The following EPHA5 variants were observed in gnomAD, a reference collection of about 807,000 sequenced individuals.
EPHA5 encodes the protein EPH receptor A5.
Under a neutral mutation model 105.0 loss-of-function variants are expected in EPHA5, and 60 were observed. The observed-to-expected ratio is 0.57, with a 90% confidence interval of 0.46 to 0.71. The LOEUF is 0.71. Ranked by LOEUF, EPHA5 falls within the 30% of genes least tolerant of loss-of-function variation. The pLI is 0.00. For synonymous variants in EPHA5, 513 were observed against 449.1 expected (o/e 1.14, Z -1.80); for missense variants, 1,218 against 1,274.7 (o/e 0.96, Z 0.68).
chr4:65,350,371 A>T lies in EPHA5; in HGVS notation c.2445+1018T>A, dbSNP rs543748452. On this transcript the variant is annotated intron_variant, in intron 13 of 16. Transcript: ENST00000613740. Reference sequence around the variant, plus strand: ...TGAATCACAAAGCAAAAATGTTTTAAAAAAAAAACCCTTATAATCTGAAAA... The same window carrying T: ...TGAATCACAAAGCAAAAATGTTTTATAAAAAAAACCCTTATAATCTGAAAA... 3.7e-3 allele frequency among the ~76,000 whole-genome samples: 412 copies of T among 111,348 alleles called. 4 individuals are homozygous for T. Among genetic ancestry groups the T allele is most frequent in the Admixed American group, 0.023 (236 of 10,436 alleles). The allele number at this position is 111,348 out of a possible 152,430, so 73.0% of individuals were successfully genotyped here. A position where few individuals can be genotyped will look rare whatever the true frequency, so the allele number is the denominator to read the frequency against.
At chr4:65,577,802 G>A (rs905081007) in intron 3 of EPHA5, among the ~76,000 whole-genome samples, 1 of 152,014 alleles carries the variant, frequency 6.6e-6, no homozygotes, top group Non-Finnish European at 1.5e-5. Flanking sequence ...AGAAAAAAAG[G>A]TCAGAGGGAA....
chr4:65,493,051 A>G (rs943131600), intron 4 of EPHA5, among the ~76,000 whole-genome samples: 7 of 151,142 alleles, frequency 4.6e-5, no homozygotes, highest in Admixed American at 1.3e-4. Context: ...CTCTAAATCT[A>G]TAAGAATGCA....
intron 5 of EPHA5, among the ~76,000 whole-genome samples, chr4:65,469,784 C>T (rs1414308293): frequency 1.3e-5 from 2 of 152,160 alleles, no homozygotes; most frequent in African/African-American, 2.4e-5. Flanking sequence ...TCATCATTAT[C>T]AGCATAAAAC....
At chr4:65,515,407 T>G (rs1463556770) in intron 3 of EPHA5, among the ~76,000 whole-genome samples, 2 of 152,158 alleles carry the variant, frequency 1.3e-5, no homozygotes, top group African/African-American at 4.8e-5. Flanking sequence ...TAACTCTGGT[T>G]GTATTATACC....
At chr4:65,341,558 GATATTTAC>G (rs1721723785) in intron 14 of EPHA5, among the ~76,000 whole-genome samples, 1 of 149,688 alleles carries the variant, frequency 6.7e-6, no homozygotes, top group South Asian at 2.1e-4. Context: ...TAAATAAATA[GATATTTAC>G]ATATTATATA....
chr4:65,360,430 G>A (rs1316617778), intron 11 of EPHA5, among the ~76,000 whole-genome samples: 3 of 151,680 alleles, frequency 2.0e-5, no homozygotes, highest in Non-Finnish European at 4.4e-5. Context: ...TAAGAGTTTG[G>A]ATTTTGGAGT....
At chr4:65,462,731 G>A (rs1284614858) in intron 5 of EPHA5, among the ~76,000 whole-genome samples, 1 of 152,128 alleles carries the variant, frequency 6.6e-6, no homozygotes, top group Non-Finnish European at 1.5e-5. Context: ...ATTAGCAATA[G>A]AATTTATACA....
At chr4:65,572,797 G>A (rs1403129119) in intron 3 of EPHA5, among the ~76,000 whole-genome samples, 3 of 152,076 alleles carry the variant, frequency 2.0e-5, no homozygotes, top group Admixed American at 6.5e-5. Context: ...TTGGGAGGCC[G>A]AGGCAGGCGG....
At chr4:65,544,955 C>T (rs551048799) in intron 3 of EPHA5, among the ~76,000 whole-genome samples, 1 of 150,194 alleles carries the variant, frequency 6.7e-6, no homozygotes, top group Admixed American at 6.7e-5. Context: ...AAAAAAAAAG[C>T]CATTCCAATT....
intron 5 of EPHA5, among the ~76,000 whole-genome samples, chr4:65,455,174 A>G (rs1477992729): frequency 6.6e-6 from 1 of 152,160 alleles, no homozygotes; most frequent in African/African-American, 2.4e-5. Flanking sequence ...CAGAGCTTGC[A>G]GTGAGCCAAG....
At chr4:65,653,513 T>A (rs1361742536) in intron 1 of EPHA5, among the ~76,000 whole-genome samples, 1 of 152,110 alleles carries the variant, frequency 6.6e-6, no homozygotes, top group Non-Finnish European at 1.5e-5. Flanking sequence ...TACTCAGAAC[T>A]AATTATCCAT....
chr4:65,511,713 C>G (rs529849492), intron 3 of EPHA5, among the ~76,000 whole-genome samples: 1 of 152,080 alleles, frequency 6.6e-6, no homozygotes, highest in Non-Finnish European at 1.5e-5. Context: ...GTAATTTAAA[C>G]GACATTTTTT....
At chr4:65,548,447 A>T (rs1737593140) in intron 3 of EPHA5, among the ~76,000 whole-genome samples, 1 of 151,770 alleles carries the variant, frequency 6.6e-6, no homozygotes, top group Non-Finnish European at 1.5e-5. Context: ...TGCACTAAGA[A>T]GTACTAACAT....
At chr4:65,615,533 T>C (rs1446288993) in intron 2 of EPHA5, among the ~76,000 whole-genome samples, 1 of 151,908 alleles carries the variant, frequency 6.6e-6, no homozygotes, top group African/African-American at 2.4e-5. Context: ...CCAATAATTC[T>C]ATATCTAGCA....
intron 3 of EPHA5, among the ~76,000 whole-genome samples, chr4:65,497,148 T>C (rs71612721): frequency 0.043 from 6,551 of 152,216 alleles, 245 homozygotes; most frequent in African/African-American, 0.091. Context: ...TTTTCAAAGC[T>C]CACTACATAT....
At chr4:65,668,607 G>A (rs1362509619) in intron 1 of EPHA5, among the ~76,000 whole-genome samples, 3 of 152,080 alleles carry the variant, frequency 2.0e-5, no homozygotes, top group Non-Finnish European at 4.4e-5. Flanking sequence ...CAAGAGGCAG[G>A]CGGACAGAGG....
chr4:65,383,395 A>T (rs544606093), intron 8 of EPHA5, among the ~76,000 whole-genome samples: 1 of 151,656 alleles, frequency 6.6e-6, no homozygotes, highest in Non-Finnish European at 1.5e-5. Flanking sequence ...AGTTATGTTC[A>T]CTCCTAAAAA....
intron 5 of EPHA5, among the ~76,000 whole-genome samples, chr4:65,455,016 C>T (rs545785533): frequency 1.3e-5 from 2 of 151,950 alleles, no homozygotes; most frequent in African/African-American, 2.4e-5. Flanking sequence ...GAGGCCGAGG[C>T]GGGCAGATCA....
chr4:65,517,431 T>G (rs1734213359), intron 3 of EPHA5, among the ~76,000 whole-genome samples: 1 of 151,900 alleles, frequency 6.6e-6, no homozygotes, highest in Non-Finnish European at 1.5e-5. Context: ...TTGAGTAACT[T>G]TTATTCAGAA....
Sources: gnomAD v4.1 joint callset for allele counts (sites outside exome capture counted in the v4.1 genomes callset) on GRCh38, gnomAD v4.1.1 for gene constraint, MANE v1.5 for transcripts, NCBI Gene and HGNC (gene_info 2026-07-23, HGNC 2026-07-21) for gene names.